The following THBS4 variants were observed in gnomAD, a reference collection of about 807,000 sequenced individuals.
THBS4 encodes the protein thrombospondin 4.
A neutral mutation model predicts 115.7 loss-of-function variants in THBS4; 90 were observed. The observed-to-expected ratio is 0.78, with a 90% CI of 0.66 to 0.93. THBS4 has a LOEUF of 0.93. Among genes scored for constraint, THBS4 ranks in the 40% least tolerant of loss-of-function variants. THBS4 has a pLI of 0.00. For missense variants in THBS4, 1,087 were observed against 1,232.7 expected, an observed-to-expected ratio of 0.88 and a Z score of 1.77; for synonymous variants, 460 against 479.3, an observed-to-expected ratio of 0.96 and a Z score of 0.53.
At chr5:80,024,488 G>A (rs1179146866) in intron 2 of THBS4, among the ~76,000 whole-genome samples, 1 of 152,164 alleles carries the variant, frequency 6.6e-6, no homozygotes, top group Non-Finnish European at 1.5e-5. Flanking sequence ...AGTGAGGAAA[G>A]TAAGACACCA....
chr5:80,076,376 C>T (rs1415904342), intron 15 of THBS4: 1 of 152,500 alleles, frequency 6.6e-6, no homozygotes, highest in Non-Finnish European at 1.5e-5. Flanking sequence ...ATTTAATCTC[C>T]ATAACAACTC....
intron 2 of THBS4, among the ~76,000 whole-genome samples, chr5:80,050,120 T>C (rs964776972): frequency 6.6e-6 from 1 of 152,228 alleles, no homozygotes; most frequent in African/African-American, 2.4e-5. Context: ...GTGAACTCAA[T>C]GTGCTGCAGC....
intron 1 of THBS4, chr5:79,991,435 C>G (rs2151145466): frequency 2.0e-6 from 1 of 495,770 alleles, no homozygotes; most frequent in Non-Finnish European, 3.5e-6. Context: ...TGCCTTAAGT[C>G]AGACCCACCA....
chr5:80,077,907 C>T (rs1318662257), intron 16 of THBS4, 142 bp from the exon 17 acceptor site: 1 of 688,858 alleles, frequency 1.5e-6, no homozygotes, highest in Non-Finnish European at 2.2e-6. Flanking sequence ...CCCAGGGCTC[C>T]TCTCCCAACA....
chr5:80,081,896 G>T (rs1224074161), intron 20 of THBS4: 2 of 153,332 alleles, frequency 1.3e-5, no homozygotes, highest in African/African-American at 2.4e-5. Context: ...ACAACCCAAA[G>T]TGTCCCCACA....
At position 80,078,034 on chromosome 5, in the gene THBS4, C is replaced by G. The variant is rs374334940; in HGVS notation, c.2087-15C>G. 5.7e-5 allele frequency: 88 copies of G among 1,555,394 alleles called. No individual in the cohort carries two copies. In the African/African-American group the frequency reaches 1.1e-3, roughly 19 times the overall value. On this transcript the variant is annotated splice_polypyrimidine_tract_variant and intron_variant, in intron 16 of 21. Transcript: ENST00000350881. ...GAGCGCTATTGAGCTCCTGTCCTTT[C>G]TCCACCCCACTCAGGCGACGGAGTG...
At chr5:80,011,098 G>A (rs952569767) in intron 2 of THBS4, among the ~76,000 whole-genome samples, 1 of 152,204 alleles carries the variant, frequency 6.6e-6, no homozygotes, top group African/African-American at 2.4e-5. Flanking sequence ...TTGTGATAGT[G>A]AATAAGTCTC....
chr5:80,048,757 T>G (rs2112062048), intron 2 of THBS4, among the ~76,000 whole-genome samples: 1 of 152,226 alleles, frequency 6.6e-6, no homozygotes, highest in East Asian at 1.9e-4. Flanking sequence ...CAGAGTACTT[T>G]CAGAAAAAGC....
intron 2 of THBS4, among the ~76,000 whole-genome samples, chr5:80,029,752 G>T (rs1832548198): frequency 6.6e-6 from 1 of 150,998 alleles, no homozygotes; most frequent in South Asian, 2.1e-4. Flanking sequence ...GAGGTCAGGA[G>T]ATTGAGACCA....
chr5:79,996,147 A>C (rs960877935), intron 1 of THBS4, among the ~76,000 whole-genome samples: 2 of 152,006 alleles, frequency 1.3e-5, no homozygotes, highest in African/African-American at 2.4e-5. Context: ...ATACACACAA[A>C]AAAAAAGGCG....
At chr5:80,027,575 T>A (rs1312219679) in intron 2 of THBS4, among the ~76,000 whole-genome samples, 2 of 151,906 alleles carry the variant, frequency 1.3e-5, no homozygotes, top group Non-Finnish European at 2.9e-5. Context: ...ATGTGACACA[T>A]AAAATGAAAA....
chr5:80,058,276 T>G lies in THBS4; in HGVS notation c.611T>G (p.Phe204Cys). The change falls in exon 4 of 22, where the codon TTC becomes TGC. Residue 204 changes from phenylalanine to cysteine, a missense_variant. Around this residue, in one of 3 missense-constraint regions of THBS4, gnomAD observed 979 missense variants for 1,103.7 expected, o/e 0.89. Transcript: ENST00000350881. ...CAGGTGGCCAGCCTGCAAGACTGCT[T>G]CCTGCAGCAGAGTGAGCCACTGGCT... ...LFQVASLQDC[F>C]LQQSEPLAAT... 6.4e-7 allele frequency: 1 copy of G among 1,573,540 alleles called. No individual in the cohort carries two copies. The highest frequency in any genetic ancestry group is 2.3e-5 in the East Asian group (1 of 43,054).
chr5:80,020,518 G>A (rs1231250345), intron 2 of THBS4, among the ~76,000 whole-genome samples: 2 of 152,086 alleles, frequency 1.3e-5, no homozygotes, highest in African/African-American at 2.4e-5. Flanking sequence ...AAAGTGAAAT[G>A]TGTGTCCATT....
At chr5:80,030,055 T>C (rs1337096487) in intron 2 of THBS4, among the ~76,000 whole-genome samples, 1 of 151,174 alleles carries the variant, frequency 6.6e-6, no homozygotes, top group Non-Finnish European at 1.5e-5. Context: ...CTGTGCTAAG[T>C]AGTTTTTGGA....
intron 2 of THBS4, among the ~76,000 whole-genome samples, chr5:80,025,822 C>T (rs1036918663): frequency 6.6e-6 from 1 of 152,136 alleles, no homozygotes; most frequent in African/African-American, 2.4e-5. Flanking sequence ...CCCTGGATTT[C>T]TGGGTAAACT....
chr5:80,070,111 C>A (rs1057440369), intron 10 of THBS4, among the ~76,000 whole-genome samples, 195 bp from the exon 11 acceptor site: 1 of 100,904 alleles, frequency 9.9e-6, no homozygotes, highest in East Asian at 3.2e-4. Flanking sequence ...CTCTGAGTCT[C>A]CCTTTATATC....
At chr5:80,072,494 C>A in intron 14 of THBS4, 98 bp downstream of exon 14, 1 of 1,078,854 alleles carries the variant, frequency 9.3e-7, no homozygotes, top group Non-Finnish European at 1.4e-6. Flanking sequence ...AGCCTCTTAG[C>A]TGTTGCCACT....
intron 10 of THBS4, 131 bp downstream of exon 10, chr5:80,068,256 G>A: frequency 7.8e-6 from 9 of 1,160,944 alleles, no homozygotes; most frequent in Admixed American, 2.4e-5. Context: ...AGCATGGAGT[G>A]TAATAGGAAC....
chr5:80,029,569 GA>G (rs1832544529), intron 2 of THBS4, among the ~76,000 whole-genome samples: 1 of 152,100 alleles, frequency 6.6e-6, no homozygotes, highest in Non-Finnish European at 1.5e-5. Context: ...GAGACCCTTA[GA>G]TTGAAAATGA....
Sources: allele counts gnomAD v4.1 joint callset (sites outside exome capture counted in the v4.1 genomes callset), GRCh38; gene constraint gnomAD v4.1.1; regional missense constraint gnomAD v4.1.1; transcripts MANE v1.5; gene names NCBI Gene and HGNC (gene_info 2026-07-23, HGNC 2026-07-21).